ULBP3: variants seen among roughly 807,000 people sequenced by gnomAD.
ULBP3 encodes UL16-binding protein 3.
Under a neutral mutation model 24.9 loss-of-function variants are expected in ULBP3, and 25 were observed. The observed-to-expected ratio is 1.00, with a 90% CI of 0.73 to 1.40. The LOEUF is 1.40. ULBP3 is among the 40% of genes most tolerant of loss of function. ULBP3 has a pLI of 0.00. For synonymous variants in ULBP3, 114 were observed against 114.7 expected (o/e 0.99, Z 0.04); for missense variants, 306 against 307.5 (o/e 1.00, Z 0.04).
In ULBP3 at chr6:150,069,040, G is replaced by T. The variant is rs1182408556; in HGVS notation, c.27C>A (p.Ile9=). ...ACGGAAGAATCGCGAGGCGCGGAAG[G>T]ATCGCGGGGCTGGCGGCCGCTGCCA... The part of the protein sequence containing the change: MAAAASPA[I]LPRLAILPYL... The change falls in exon 1 of 5, where the codon ATC becomes ATA. Residue 9 remains isoleucine, a synonymous_variant. Transcript: ENST00000367339. 2 of 1,612,178 alleles carry T rather than the reference G, an allele frequency of 1.2e-6. No individual in the cohort carries two copies. The highest frequency in any genetic ancestry group is 1.3e-5 in the African/African-American group (1 of 74,902).
chr6:150,067,773 T>C (rs1375899591), intron 1 of ULBP3, among the ~76,000 whole-genome samples: 3 of 152,154 alleles, frequency 2.0e-5, no homozygotes, highest in South Asian at 4.1e-4. Flanking sequence ...CCCAGAAGCA[T>C]GTGTGGTTGG....
chr6:150,065,886 C>G lies in ULBP3; in HGVS notation c.352+13G>C, dbSNP rs573805830. On this transcript the variant is annotated intron_variant, in intron 2 of 4. Transcript: ENST00000367339. ...CAGTCTGCTCCCTTCTGTCCTTGGT[C>G]TCTTTCACTCACCACTGGGTGTGAA... 1 of 1,611,378 alleles carries G rather than the reference C, an allele frequency of 6.2e-7. No individual in the cohort carries two copies. Among genetic ancestry groups the G allele is most frequent in the African/African-American group, 1.3e-5 (1 of 75,024 alleles).
chr6:150,065,832 C>A (rs1210448593), intron 2 of ULBP3, 67 bp downstream of exon 2: 5 of 1,594,494 alleles, frequency 3.1e-6, no homozygotes, highest in Non-Finnish European at 4.3e-6. Context: ...AATTTCTTCT[C>A]CCCACACACA....
At chr6:150,068,916 G>T in intron 1 of ULBP3, 63 bp downstream of exon 1, 1 of 1,483,706 alleles carries the variant, frequency 6.7e-7, no homozygotes, top group South Asian at 1.3e-5. Flanking sequence ...TCTGAAACCC[G>T]CTGCAGTCCA....
intron 3 of ULBP3, 90 bp downstream of exon 3, chr6:150,065,308 C>T: frequency 6.4e-7 from 1 of 1,551,048 alleles, no homozygotes; most frequent in Non-Finnish European, 8.8e-7. Flanking sequence ...CACACCCATA[C>T]ACCCACACCC....
Position 150,065,692 on chromosome 6 carries a change from G to T in ULBP3, c.353-19C>A. ...AGGGGTCCTGCCCCAATCAGAAAGAGATCAGCCCTGGTGTTTACAAATTCT... is the reference window on the plus strand; with the variant it reads ...AGGGGTCCTGCCCCAATCAGAAAGATATCAGCCCTGGTGTTTACAAATTCT... On this transcript the variant is annotated intron_variant, in intron 2 of 4. Coordinates refer to ENST00000367339, the MANE Select transcript of ULBP3 (RefSeq NM_024518.3). The T allele has an allele frequency of 6.2e-7, 1 of 1,613,318 alleles. No individual in the cohort carries two copies. Among genetic ancestry groups the T allele is most frequent in the Non-Finnish European group, 8.5e-7 (1 of 1,179,466 alleles).
intron 4 of ULBP3, 121 bp from the exon 5 acceptor site, chr6:150,063,472 T>C: frequency 2.3e-6 from 1 of 441,482 alleles, no homozygotes; most frequent in Non-Finnish European, 3.0e-6. Context: ...GAACATGTTT[T>C]TCCCTCCAAC....
At position 150,065,493 on chromosome 6, in the gene ULBP3, C is replaced by T. The variant is rs1451406151; in HGVS notation, c.533G>A (p.Gly178Glu). 6.2e-7 allele frequency: 1 copy of T among 1,614,156 alleles called. No individual in the cohort carries two copies. The highest frequency in any genetic ancestry group is 1.3e-5 in the African/African-American group (1 of 75,036). Residue 178 changes from glycine to glutamate, a missense_variant, in exon 3 of 5, where the codon GGA (glycine) becomes GAA (glutamate). By Grantham distance (98) the Gly-to-Glu change is moderately conservative. Coordinates refer to ENST00000367339, the MANE Select transcript of ULBP3 (RefSeq NM_024518.3). ...GACCATCTTGAAGAAGGTGGTCAGTCCGCTATCCTTCTCCCACTTCTCTTT... is the reference window on the plus strand; with the variant it reads ...GACCATCTTGAAGAAGGTGGTCAGTTCGCTATCCTTCTCCCACTTCTCTTT... ...RMKEKWEKDS[G>E]LTTFFKMVSM... is the part of the protein sequence containing the mutation.
rs1562520244 is a variant in ULBP3 at position 150,065,960 on chromosome 6, C to T, written c.291G>A (p.Glu97=). The T allele has an allele frequency of 6.2e-7, 1 of 1,614,224 alleles. No individual in the cohort carries two copies. Among genetic ancestry groups the T allele is most frequent in the African/African-American group, 1.3e-5 (1 of 75,060 alleles). Residue 97 remains glutamate, a synonymous_variant, in exon 2 of 5, where the codon GAG becomes GAA. Transcript: ENST00000367339. ...AWGKQLEMLR[E]VGQRLRLELA... The stretch of plus-strand genomic sequence containing the variant: ...GTTCCAGTCTGAGCCTCTGCCCCAC[C>T]TCTCTCAGCATTTCCAGTTGTTTTC...
intron 1 of ULBP3, among the ~76,000 whole-genome samples, chr6:150,067,610 T>C (rs931845393): frequency 6.6e-6 from 1 of 152,212 alleles, no homozygotes; most frequent in Non-Finnish European, 1.5e-5. Flanking sequence ...TTGTAGTTAA[T>C]GTAGTAACTA....
Position 150,065,646 on chromosome 6 carries a change from G to C in ULBP3, c.380C>G (p.Ser127Cys). 1 of 1,614,208 alleles carries C rather than the reference G, an allele frequency of 6.2e-7. No homozygotes were observed. The highest frequency in any genetic ancestry group is 1.3e-5 in the African/African-American group (1 of 75,052). Reference protein sequence around the residue: ...SGPLTLQVRMSCECEADGYIR... With the variant: ...SGPLTLQVRMCCECEADGYIR... ...GTATCCATCGGCTTCACACTCACAA[G>C]ACATCCTGACCTGCAGCGTGAGGGG... The change falls in exon 3 of 5, where the codon TCT (serine) becomes TGT (cysteine). Residue 127 changes from serine (S) to cysteine (C), a missense_variant. Transcript: ENST00000367339.
chr6:150,066,502 T>C (rs1212805798), intron 1 of ULBP3, among the ~76,000 whole-genome samples: 1 of 152,122 alleles, frequency 6.6e-6, no homozygotes, highest in Non-Finnish European at 1.5e-5. Context: ...TGTTGGAGCG[T>C]GGTGCAGTGG....
Position 150,066,282 on chromosome 6 carries a change from G to C in ULBP3, c.89-120C>G, listed in dbSNP as rs1776346490. 51 of 1,180,726 alleles carry C rather than the reference G, an allele frequency of 4.3e-5. 1 individual carries two copies. The South Asian group carries it at 7.9e-4, about 18-fold the overall frequency. The allele number at this position is 1,180,726 out of a possible 1,614,324, so 73.1% of individuals were successfully genotyped here. A position where few individuals can be genotyped will look rare whatever the true frequency, so the allele number is the denominator to read the frequency against. ...GGCAGAGCATGGATTTCTCTTCCTGGACGGTGGTCTCTGCCTGTGGAGGAA... is the reference window on the plus strand; with the variant it reads ...GGCAGAGCATGGATTTCTCTTCCTGCACGGTGGTCTCTGCCTGTGGAGGAA... On this transcript the variant is annotated intron_variant, in intron 1 of 4. Transcript: ENST00000367339.
chr6:150,064,467 A>G, intron 4 of ULBP3, 118 bp downstream of exon 4: 1 of 890,044 alleles, frequency 1.1e-6, no homozygotes, highest in Non-Finnish European at 1.8e-6. Flanking sequence ...CACCTGTCTC[A>G]TGTCAGAACG....
intron 2 of ULBP3, 64 bp from the exon 3 acceptor site, chr6:150,065,737 C>T: frequency 6.3e-7 from 1 of 1,596,056 alleles, no homozygotes; most frequent in Non-Finnish European, 8.5e-7. Flanking sequence ...CCCACATCCT[C>T]CTATGCTGAG....
chr6:150,066,285 G>T, intron 1 of ULBP3, 123 bp from the exon 2 acceptor site: 3 of 1,141,850 alleles, frequency 2.6e-6, no homozygotes, highest in Non-Finnish European at 3.7e-6. Context: ...CTTCCTGGAC[G>T]GTGGTCTCTG....
chr6:150,067,562 T>A (rs979664670), intron 1 of ULBP3, among the ~76,000 whole-genome samples: 16 of 152,178 alleles, frequency 1.1e-4, no homozygotes, highest in African/African-American at 3.9e-4. Flanking sequence ...CAATGGTAAT[T>A]TCACATTTCC....
At chr6:150,065,787 C>T in intron 2 of ULBP3, 112 bp downstream of exon 2, 2 of 1,578,718 alleles carry the variant, frequency 1.3e-6, no homozygotes, top group Admixed American at 3.5e-5. Flanking sequence ...CCAAGTCCTG[C>T]CCTTGCTGCT....
At chr6:150,066,838 G>A (rs866776937) in intron 1 of ULBP3, among the ~76,000 whole-genome samples, 2 of 152,174 alleles carry the variant, frequency 1.3e-5, no homozygotes, top group African/African-American at 2.4e-5. Flanking sequence ...GCAGCAGACT[G>A]TCAAGAAGCT....
Sources: gnomAD v4.1 joint callset for allele counts (sites outside exome capture counted in the v4.1 genomes callset) on GRCh38, gnomAD v4.1.1 for gene constraint, MANE v1.5 for transcripts, NCBI Gene and HGNC (gene_info 2026-07-23, HGNC 2026-07-21) for gene names.